GLRX3: variants seen among roughly 807,000 people sequenced by gnomAD.
GLRX3 encodes glutaredoxin 3.
A neutral mutation model predicts 49.5 loss-of-function variants in GLRX3; 22 were observed. That is an observed-to-expected ratio of 0.44 (90% confidence interval 0.32 to 0.63). GLRX3 has a LOEUF of 0.63. Among genes scored for constraint, GLRX3 ranks in the 30% least tolerant of loss-of-function variants. GLRX3 has a pLI of 0.05. For missense variants in GLRX3, 385 were observed against 396.3 expected (o/e 0.97, Z 0.24); for synonymous variants, 133 against 140.0 (o/e 0.95, Z 0.35).
At chr10:130,146,126 A>G (rs1862266343) in intron 2 of GLRX3, among the ~76,000 whole-genome samples, 1 of 152,194 alleles carries the variant, frequency 6.6e-6, no homozygotes, top group African/African-American at 2.4e-5. Flanking sequence ...CTCGGGTGTG[A>G]GGCATGACTA....
intron 1 of GLRX3, among the ~76,000 whole-genome samples, chr10:130,143,701 C>CTT (rs59065659): frequency 6.3e-5 from 9 of 143,022 alleles, no homozygotes; most frequent in Admixed American, 1.4e-4. Context: ...CTAGAAAAAT[C>CTT]TTTTTTTTTT....
At chr10:130,175,503 C>A (rs890171128) in intron 10 of GLRX3, among the ~76,000 whole-genome samples, 1 of 152,222 alleles carries the variant, frequency 6.6e-6, no homozygotes, top group Non-Finnish European at 1.5e-5. Context: ...AGGATCACTG[C>A]CCCTGGTCCC....
chr10:130,166,449 A>G, intron 4 of GLRX3, 58 bp from the exon 5 acceptor site: 3 of 1,222,412 alleles, frequency 2.5e-6, no homozygotes, highest in Non-Finnish European at 3.6e-6. Context: ...ATGTATTATC[A>G]TGTGTATGTG....
intron 7 of GLRX3, among the ~76,000 whole-genome samples, chr10:130,171,120 A>AT (rs1862798379): frequency 6.6e-6 from 1 of 151,690 alleles, no homozygotes. Context: ...CTCTGTCTCA[A>AT]AAAATAAATA....
In GLRX3 at chr10:130,174,994, T is replaced by A; in HGVS notation, c.865-3T>A. The A allele has an allele frequency of 6.2e-7, 1 of 1,604,396 alleles. No individual in the cohort carries two copies. The highest frequency in any genetic ancestry group is 8.5e-7 in the Non-Finnish European group (1 of 1,171,174). Reference sequence around the variant, plus strand: ...GGTTTCAGGATTCCTGTTGTTTCTTTAGGTTCGGCAAGGATTAAAAGCTTA... The same window carrying A: ...GGTTTCAGGATTCCTGTTGTTTCTTAAGGTTCGGCAAGGATTAAAAGCTTA... On this transcript the variant is annotated splice_region_variant and splice_polypyrimidine_tract_variant and intron_variant, in intron 9 of 10. Coordinates refer to ENST00000331244, the MANE Select transcript of GLRX3 (RefSeq NM_006541.5).
intron 4 of GLRX3, among the ~76,000 whole-genome samples, chr10:130,161,287 A>G (rs1423616246): frequency 6.6e-6 from 1 of 152,222 alleles, no homozygotes; most frequent in African/African-American, 2.4e-5. Context: ...GACTTGCCCA[A>G]GGTCACCTGG....
chr10:130,166,860 CAAG>C, intron 5 of GLRX3, 56 bp from the exon 6 acceptor site: 4 of 1,133,670 alleles, frequency 3.5e-6, no homozygotes, highest in Non-Finnish European at 5.3e-6. Context: ...ATGGTATGAT[CAAG>C]GAGATTTATG....
At chr10:130,149,078 G>C (rs757286959) in intron 2 of GLRX3, among the ~76,000 whole-genome samples, 13 of 151,926 alleles carry the variant, frequency 8.6e-5, no homozygotes, top group Admixed American at 1.3e-4. Flanking sequence ...ATTAAAAAGT[G>C]CATCTGTACT....
chr10:130,149,414 C>T (rs1296787300), intron 2 of GLRX3, among the ~76,000 whole-genome samples: 2 of 151,362 alleles, frequency 1.3e-5, no homozygotes, highest in African/African-American at 4.9e-5. Flanking sequence ...TGCACTCCGG[C>T]CTGCGTGACA....
At chr10:130,159,883 C>G in intron 2 of GLRX3, 112 bp from the exon 3 acceptor site, 1 of 1,345,806 alleles carries the variant, frequency 7.4e-7, no homozygotes, top group South Asian at 1.4e-5. Flanking sequence ...GTACCATGCT[C>G]TTTAAAAAAT....
intron 1 of GLRX3, among the ~76,000 whole-genome samples, chr10:130,144,544 T>C (rs1862236437): frequency 6.6e-6 from 1 of 151,968 alleles, no homozygotes; most frequent in African/African-American, 2.4e-5. Context: ...CACTTATGAA[T>C]GAGAACATGC....
At chr10:130,167,737 TTAATAA>T (rs1341589796) in intron 6 of GLRX3, among the ~76,000 whole-genome samples, 1 of 152,190 alleles carries the variant, frequency 6.6e-6, no homozygotes, top group African/African-American at 2.4e-5. Context: ...CTAAAAGTGT[TTAATAA>T]TAATAAATAC....
intron 1 of GLRX3, among the ~76,000 whole-genome samples, chr10:130,136,796 G>A (rs1862062584): frequency 6.6e-6 from 1 of 152,114 alleles, no homozygotes; most frequent in Non-Finnish European, 1.5e-5. Context: ...AAGCCCGGGG[G>A]ACGCGACCTT....
intron 6 of GLRX3, among the ~76,000 whole-genome samples, chr10:130,168,329 C>A (rs1327132776): frequency 2.0e-5 from 3 of 152,162 alleles, no homozygotes; most frequent in Non-Finnish European, 2.9e-5. Context: ...GCATTGTATT[C>A]CTATATCTGT....
intron 10 of GLRX3, among the ~76,000 whole-genome samples, chr10:130,175,453 G>C (rs1862898328): frequency 6.6e-6 from 1 of 152,230 alleles, no homozygotes; most frequent in Admixed American, 6.5e-5. Flanking sequence ...GCAGTGTGAG[G>C]CCTGTGGCCC....
At chr10:130,136,881 G>A (rs1258338326) in intron 1 of GLRX3, among the ~76,000 whole-genome samples, 3 of 152,092 alleles carry the variant, frequency 2.0e-5, no homozygotes, top group Non-Finnish European at 4.4e-5. Flanking sequence ...GTGGCGGGGC[G>A]GGGGACGGGG....
intron 1 of GLRX3, among the ~76,000 whole-genome samples, chr10:130,137,503 C>T (rs1478238409): frequency 1.3e-5 from 2 of 152,182 alleles, no homozygotes; most frequent in African/African-American, 2.4e-5. Flanking sequence ...ACCGCAGCCA[C>T]TCAGTAGCCA....
Position 130,148,433 on chromosome 10 carries a change from C to CT in GLRX3, c.201+3141dup, listed in dbSNP as rs57482969. Among the ~76,000 whole-genome samples, 556 of 70,552 alleles carry CT rather than the reference C, an allele frequency of 7.9e-3. 80 individuals are homozygous for CT. The highest frequency in any genetic ancestry group is 0.03 in the African/African-American group (523 of 17,676). 46.3% of individuals were successfully genotyped at this position (70,552 alleles called of 152,430 possible). A position where few individuals can be genotyped will look rare whatever the true frequency, so the allele number is the denominator to read the frequency against. On this transcript the variant is annotated intron_variant, in intron 2 of 10. Transcript: ENST00000331244. Reference sequence around the variant, plus strand: ...GATGTGAGCCACTTTGCCCTTCAGTCTTTTTTTTTTTTTTTTTTTTTTTTT... The same window carrying CT: ...GATGTGAGCCACTTTGCCCTTCAGTCTTTTTTTTTTTTTTTTTTTTTTTTTT...
rs3736898 is a variant in GLRX3 at position 130,166,909 on chromosome 10, C to T, written c.652-10C>T. ...TTTTTTCATAAAACTGGTATGTGTG[C>T]TTATTTTAGGAGCTAGAAGCATCTG... is the stretch of plus-strand genomic sequence containing the variant. On this transcript the variant is annotated splice_polypyrimidine_tract_variant and intron_variant, in intron 5 of 10. Transcript: ENST00000331244. The T allele has an allele frequency of 5.6e-4, 874 of 1,554,728 alleles. 13 individuals carry two copies. In the East Asian group the frequency reaches 0.019, roughly 35 times the overall value.
Sources: gnomAD v4.1 joint callset for allele counts (sites outside exome capture counted in the v4.1 genomes callset) on GRCh38, gnomAD v4.1.1 for gene constraint, MANE v1.5 for transcripts, NCBI Gene and HGNC (gene_info 2026-07-23, HGNC 2026-07-21) for gene names.